The following SFXN4 variants were observed in gnomAD, a reference collection of about 807,000 sequenced individuals.
SFXN4 encodes the protein sideroflexin 4, also known as sideroflexin-4.
Under a neutral mutation model 54.6 loss-of-function variants are expected in SFXN4, and 48 were observed. The observed-to-expected ratio is 0.88, with a 90% CI of 0.70 to 1.12. The LOEUF is 1.12. Among genes scored for constraint, SFXN4 ranks in the 50% most tolerant of loss-of-function variants. The probability of loss-of-function intolerance (pLI) is 0.00; values close to 1 mark genes in which losing one functional copy is unlikely to be tolerated. For synonymous variants in SFXN4, 130 were observed against 145.5 expected (o/e 0.89, Z 0.77); for missense variants, 383 against 409.2 (o/e 0.94, Z 0.55).
rs1846791586 is a variant in SFXN4 at position 119,146,291 on chromosome 10, A to G, written c.881T>C (p.Leu294Pro). 6.2e-7 allele frequency: 1 copy of G among 1,613,772 alleles called. No individual in the cohort carries two copies. Among genetic ancestry groups the G allele is most frequent in the Non-Finnish European group, 8.5e-7 (1 of 1,179,846 alleles). ...AAATGGCACCATCAGTCCCATTGCC[A>G]GGACAGTACAAGACAGTTTCAAAAT... ...LWILKLSCTVLAMGLMVPFSF... is the reference protein window; with the variant it reads ...LWILKLSCTVPAMGLMVPFSF... The change falls in exon 13 of 14, where the codon CTG (leucine) becomes CCG (proline). Residue 294 changes from leucine to proline, a missense_variant. By Grantham distance (98) the Leu-to-Pro change is moderately conservative. Transcript: ENST00000355697.
Position 119,148,028 on chromosome 10 carries a change from C to T in SFXN4, c.733-168G>A, listed in dbSNP as rs1159646044. Among the ~76,000 whole-genome samples the T allele has an allele frequency of 2.0e-5, 3 of 151,984 alleles. No homozygotes were observed. The East Asian group carries it at 5.8e-4, about 29-fold the overall frequency. On this transcript the variant is annotated intron_variant, in intron 11 of 13. Transcript: ENST00000355697. ...TCTACCAAAAAATACAAAAATTAGC[C>T]CGGTGTGGTGTTATGCACCTGTAGT... is the stretch of plus-strand genomic sequence containing the variant.
chr10:119,165,274 C>A, intron 1 of SFXN4: 1 of 1,193,908 alleles, frequency 8.4e-7, no homozygotes, highest in Non-Finnish European at 1.0e-6. Context: ...CAGCCACCTG[C>A]GCGGACTGGG....
In SFXN4 at chr10:119,141,237, C is replaced by A. The variant is rs746422677; in HGVS notation, c.*5G>T. On this transcript the variant is annotated 3_prime_UTR_variant, in exon 14 of 14. Coordinates refer to ENST00000355697, the MANE Select transcript of SFXN4 (RefSeq NM_213649.2). ...GAACCACATAAATTCACCTAAAACT[C>A]ACGCCTACACCCCTCTGTGATAAAA... 1 of 1,603,908 alleles carries A rather than the reference C, an allele frequency of 6.2e-7. No individual in the cohort carries two copies. Among genetic ancestry groups the A allele is most frequent in the Non-Finnish European group, 8.5e-7 (1 of 1,174,380 alleles).
chr10:119,144,838 A>G (rs1023710256), intron 13 of SFXN4, among the ~76,000 whole-genome samples: 4 of 152,202 alleles, frequency 2.6e-5, no homozygotes, highest in African/African-American at 9.6e-5. Flanking sequence ...GCCTCTCCTG[A>G]AGTGCTCAGT....
intron 11 of SFXN4, among the ~76,000 whole-genome samples, chr10:119,151,047 TG>T (rs1847046364): frequency 6.6e-6 from 1 of 152,128 alleles, no homozygotes; most frequent in Non-Finnish European, 1.5e-5. Flanking sequence ...GTATAATTTC[TG>T]GAAAAGGCAA....
At chr10:119,165,446 T>C in intron 1 of SFXN4, 91 bp downstream of exon 1, 1 of 1,378,358 alleles carries the variant, frequency 7.3e-7, no homozygotes, top group Non-Finnish European at 9.4e-7. Flanking sequence ...GGCGCCCACG[T>C]GGCCTGGCCA....
At chr10:119,143,952 C>G (rs1168369693) in intron 13 of SFXN4, among the ~76,000 whole-genome samples, 1 of 152,140 alleles carries the variant, frequency 6.6e-6, no homozygotes, top group African/African-American at 2.4e-5. Flanking sequence ...CGCTCCCCAA[C>G]CCCTCGCCCA....
At chr10:119,143,142 C>A (rs1846626072) in intron 13 of SFXN4, among the ~76,000 whole-genome samples, 1 of 152,094 alleles carries the variant, frequency 6.6e-6, no homozygotes, top group Admixed American at 6.6e-5. Flanking sequence ...CTGCCCCTTC[C>A]AACCTTGCAT....
At chr10:119,142,095 G>C (rs1391434361) in intron 13 of SFXN4, among the ~76,000 whole-genome samples, 1 of 152,120 alleles carries the variant, frequency 6.6e-6, no homozygotes, top group Non-Finnish European at 1.5e-5. Flanking sequence ...CAGCTACTTG[G>C]GGGGCTGAGG....
At chr10:119,164,785 A>T (rs1847700666) in intron 1 of SFXN4, among the ~76,000 whole-genome samples, 1 of 152,012 alleles carries the variant, frequency 6.6e-6, no homozygotes, top group Admixed American at 6.5e-5. Context: ...AAAAAAAAAC[A>T]GGGCTGGACC....
At chr10:119,155,984 T>A (rs1847264730) in intron 10 of SFXN4, among the ~76,000 whole-genome samples, 1 of 152,152 alleles carries the variant, frequency 6.6e-6, no homozygotes, top group Admixed American at 6.6e-5. Context: ...TACTAACCAT[T>A]TGCTTGCTGT....
At chr10:119,142,645 G>A (rs1396812528) in intron 13 of SFXN4, among the ~76,000 whole-genome samples, 1 of 150,496 alleles carries the variant, frequency 6.6e-6, no homozygotes, top group Admixed American at 6.6e-5. Flanking sequence ...CCGCCTCTGG[G>A]GTTCACGCCA....
At chr10:119,148,367 C>T (rs1846909475) in intron 11 of SFXN4, among the ~76,000 whole-genome samples, 1 of 152,142 alleles carries the variant, frequency 6.6e-6, no homozygotes, top group Non-Finnish European at 1.5e-5. Context: ...AAATAGCTGG[C>T]ACCGTCTGCC....
intron 11 of SFXN4, among the ~76,000 whole-genome samples, chr10:119,151,917 T>A (rs1214796787): frequency 6.6e-6 from 1 of 152,144 alleles, no homozygotes; most frequent in Non-Finnish European, 1.5e-5. Flanking sequence ...TAGGCTCAGT[T>A]GATCCTCTCA....
At chr10:119,150,475 G>C (rs1478288376) in intron 11 of SFXN4, among the ~76,000 whole-genome samples, 5 of 152,058 alleles carry the variant, frequency 3.3e-5, no homozygotes, top group African/African-American at 1.2e-4. Context: ...CCAGGAGTTT[G>C]AGACCAGCCT....
chr10:119,146,445 G>GTA, intron 12 of SFXN4, 92 bp from the exon 13 acceptor site: 2 of 581,162 alleles, frequency 3.4e-6, no homozygotes, highest in Non-Finnish European at 6.1e-6. Context: ...GTGTGTGTGT[G>GTA]TGTGTGTGTG....
At chr10:119,142,827 G>T (rs1291215172) in intron 13 of SFXN4, among the ~76,000 whole-genome samples, 2 of 150,978 alleles carry the variant, frequency 1.3e-5, no homozygotes, top group Admixed American at 6.6e-5. Context: ...TGCCTCCAGG[G>T]TTCACACCAT....
chr10:119,162,912 C>T (rs1280458770), intron 2 of SFXN4, among the ~76,000 whole-genome samples: 1 of 152,110 alleles, frequency 6.6e-6, no homozygotes, highest in Non-Finnish European at 1.5e-5. Flanking sequence ...CCTCTTGCCT[C>T]AGCCTCCCAA....
At chr10:119,152,348 C>T (rs1847107259) in intron 11 of SFXN4, among the ~76,000 whole-genome samples, 1 of 151,706 alleles carries the variant, frequency 6.6e-6, no homozygotes. Flanking sequence ...GGCACGACTT[C>T]GGCTCACTGC....
Sources: gnomAD v4.1 joint callset for allele counts (sites outside exome capture counted in the v4.1 genomes callset) on GRCh38, gnomAD v4.1.1 for gene constraint, MANE v1.5 for transcripts, NCBI Gene and HGNC (gene_info 2026-07-23, HGNC 2026-07-21) for gene names.